Variants in CDH2 observed in about 807,000 individuals in gnomAD.
The protein encoded by CDH2 is cadherin-2.
A neutral mutation model predicts 92.0 loss-of-function variants in CDH2; 17 were observed. The observed-to-expected ratio is 0.18, with a 90% CI of 0.13 to 0.28. The LOEUF is 0.28. CDH2 is among the 10% of genes least tolerant of loss of function. The pLI is 1.00. For synonymous variants in CDH2, 419 were observed against 415.9 expected, an observed-to-expected ratio of 1.01 and a Z score of -0.09; for missense variants, 862 against 1,133.1, an observed-to-expected ratio of 0.76 and a Z score of 3.44.
At chr18:27,982,196 T>C (rs1283051482) in intron 14 of CDH2, among the ~76,000 whole-genome samples, 1 of 152,208 alleles carries the variant, frequency 6.6e-6, no homozygotes, top group African/African-American at 2.4e-5. Context: ...ACATGTAGTA[T>C]AGAGCTTACA....
intron 2 of CDH2, among the ~76,000 whole-genome samples, chr18:28,068,189 A>T (rs1022795890): frequency 2.0e-4 from 30 of 152,226 alleles, no homozygotes; most frequent in African/African-American, 7.2e-4. Flanking sequence ...AGCAAGGAGT[A>T]GATGCGAAAG....
downstream of CDH2, among the ~76,000 whole-genome samples, chr18:27,948,871 TA>T (rs1366806560): frequency 1.3e-5 from 2 of 152,060 alleles, no homozygotes; most frequent in East Asian, 3.9e-4. Flanking sequence ...AACGTCTTAC[TA>T]AAATTTAAAC....
At chr18:28,036,782 A>G (rs984510996) in intron 2 of CDH2, among the ~76,000 whole-genome samples, 8 of 152,172 alleles carry the variant, frequency 5.3e-5, no homozygotes, top group Non-Finnish European at 1.0e-4. Context: ...CCTTGGGCAC[A>G]ACACAAAACC....
intron 2 of CDH2, among the ~76,000 whole-genome samples, chr18:28,130,085 T>C (rs544784886): frequency 1.3e-5 from 2 of 152,160 alleles, no homozygotes; most frequent in Non-Finnish European, 2.9e-5. Flanking sequence ...TCACAGATGA[T>C]TGTAGAGCAT....
chr18:28,032,238 C>A (rs2013715575), intron 2 of CDH2, among the ~76,000 whole-genome samples: 1 of 152,076 alleles, frequency 6.6e-6, no homozygotes, highest in Non-Finnish European at 1.5e-5. Context: ...AAACCAACAA[C>A]AACAGTCTGG....
At chr18:28,069,118 T>C (rs1412357670) in intron 2 of CDH2, among the ~76,000 whole-genome samples, 1 of 152,206 alleles carries the variant, frequency 6.6e-6, no homozygotes, top group Non-Finnish European at 1.5e-5. Context: ...CTTTGAAAAT[T>C]ATAGTAAACT....
chr18:28,094,651 A>G (rs944733873), intron 2 of CDH2, among the ~76,000 whole-genome samples: 13 of 151,718 alleles, frequency 8.6e-5, no homozygotes, highest in African/African-American at 1.9e-4. Flanking sequence ...AAAATTAGAC[A>G]GGTGTGGTGG....
chr18:27,966,626 GACA>G (rs1287973901), intron 14 of CDH2, among the ~76,000 whole-genome samples: 2 of 152,210 alleles, frequency 1.3e-5, no homozygotes, highest in Non-Finnish European at 2.9e-5. Context: ...CTTACATTCT[GACA>G]ACAATTTGCT....
intron 15 of CDH2, among the ~76,000 whole-genome samples, chr18:27,957,186 G>A (rs1598986683): frequency 6.7e-6 from 1 of 149,428 alleles, no homozygotes. Context: ...CGACTGCACA[G>A]ATCTTTTTTC....
At chr18:28,170,476 C>T (rs1156539091) in intron 1 of CDH2, among the ~76,000 whole-genome samples, 1 of 152,206 alleles carries the variant, frequency 6.6e-6, no homozygotes, top group Middle Eastern at 3.4e-3. Context: ...CTTCCAAGCA[C>T]CTAAGATTAC....
chr18:28,141,826 G>T (rs537808319), intron 2 of CDH2, among the ~76,000 whole-genome samples: 4 of 152,080 alleles, frequency 2.6e-5, no homozygotes, highest in Admixed American at 1.3e-4. Flanking sequence ...ACACACTTCT[G>T]CCTCAGGACT....
At chr18:28,060,672 A>G (rs940086043) in intron 2 of CDH2, among the ~76,000 whole-genome samples, 2 of 152,218 alleles carry the variant, frequency 1.3e-5, no homozygotes, top group African/African-American at 4.8e-5. Flanking sequence ...TAACCTTGTT[A>G]GTAACTAAGT....
intron 7 of CDH2, among the ~76,000 whole-genome samples, chr18:27,995,227 T>A (rs1239863009): frequency 7.1e-6 from 1 of 141,186 alleles, no homozygotes; most frequent in East Asian, 2.1e-4. Flanking sequence ...GGCAGGAAAA[T>A]CACGTGAACC....
intron 2 of CDH2, among the ~76,000 whole-genome samples, chr18:28,021,635 T>C (rs971986446): frequency 6.6e-6 from 1 of 151,888 alleles, no homozygotes; most frequent in Non-Finnish European, 1.5e-5. Context: ...CTGAAGGTAA[T>C]ACCTCAAAAT....
chr18:28,128,450 T>C (rs533979511), intron 2 of CDH2, among the ~76,000 whole-genome samples: 1 of 152,234 alleles, frequency 6.6e-6, no homozygotes, highest in African/African-American at 2.4e-5. Context: ...TCCCAGCACT[T>C]GGGAAGCCTC....
intron 1 of CDH2, 139 bp downstream of exon 1, chr18:28,176,824 G>T: frequency 3.8e-6 from 1 of 262,568 alleles, no homozygotes; most frequent in Non-Finnish European, 5.9e-6. Context: ...GCTACCGGCC[G>T]CGCGGCGCGG....
chr18:28,036,449 G>T, intron 2 of CDH2: 1 of 1,171,948 alleles, frequency 8.5e-7, no homozygotes, highest in Non-Finnish European at 1.3e-6. Flanking sequence ...GTTATGGAAT[G>T]AATAAGGCAA....
chr18:28,143,229 C>T (rs1012733993), intron 2 of CDH2, among the ~76,000 whole-genome samples: 29 of 152,016 alleles, frequency 1.9e-4, no homozygotes, highest in Non-Finnish European at 1.5e-5. Flanking sequence ...CAATGCAAAA[C>T]ACACAGAATA....
chr18:27,933,021 T>G (rs1908937223), exon 7 of CDH2, among the ~76,000 whole-genome samples: 1 of 152,162 alleles, frequency 6.6e-6, no homozygotes, highest in African/African-American at 2.4e-5. Flanking sequence ...GTAATGTGGT[T>G]CATACTCATT....
Sources: gnomAD v4.1 joint callset for allele counts (sites outside exome capture counted in the v4.1 genomes callset) on GRCh38, gnomAD v4.1.1 for gene constraint, MANE v1.5 for transcripts, NCBI Gene and HGNC (gene_info 2026-07-23, HGNC 2026-07-21) for gene names.